LAMC1: variants seen among roughly 807,000 people sequenced by gnomAD.
LAMC1 encodes the protein laminin subunit gamma 1.
LAMC1 carries 38 observed loss-of-function variants against 173.6 expected under a neutral mutation model. That is an observed-to-expected ratio of 0.22 (90% CI 0.17 to 0.29). The LOEUF is 0.29. Among genes scored for constraint, LAMC1 ranks in the 10% least tolerant of loss-of-function variants. The pLI, the probability that LAMC1 is intolerant of heterozygous loss-of-function variation, is 1.00. For missense variants in LAMC1, 1,824 were observed against 2,051.8 expected, an observed-to-expected ratio of 0.89 and a Z score of 2.14; for synonymous variants, 746 against 749.1, an observed-to-expected ratio of 1.00 and a Z score of 0.07.
chr1:183,097,672 G>T (rs1191213445), intron 1 of LAMC1, among the ~76,000 whole-genome samples: 3 of 152,190 alleles, frequency 2.0e-5, no homozygotes, highest in Non-Finnish European at 4.4e-5. Flanking sequence ...CATGTAGGAG[G>T]CTTAAGCAGA....
At chr1:183,086,387 CAGA>C (rs1377747715) in intron 1 of LAMC1, among the ~76,000 whole-genome samples, 7 of 152,194 alleles carry the variant, frequency 4.6e-5, no homozygotes, top group Admixed American at 4.6e-4. Flanking sequence ...CAAAGGTATT[CAGA>C]CATTTACCTT....
At chr1:183,135,555 C>CTA (rs1656913955) in intron 24 of LAMC1, among the ~76,000 whole-genome samples, 1 of 151,856 alleles carries the variant, frequency 6.6e-6, no homozygotes, top group African/African-American at 2.4e-5. Flanking sequence ...GTCATAGGTT[C>CTA]TATAAATAGA....
chr1:183,126,317 C>G, intron 16 of LAMC1, 55 bp downstream of exon 16: 1 of 1,578,514 alleles, frequency 6.3e-7, no homozygotes, highest in South Asian at 1.2e-5. Flanking sequence ...CAGTTAGTGT[C>G]TTAAGGCCAG....
chr1:183,035,711 G>A (rs1040715833), intron 1 of LAMC1, among the ~76,000 whole-genome samples: 10 of 152,134 alleles, frequency 6.6e-5, no homozygotes, highest in Admixed American at 5.9e-4. Context: ...TTAGGCCCTG[G>A]AGACTGAGTC....
intron 26 of LAMC1, chr1:183,138,042 C>T: frequency 3.8e-6 from 2 of 531,518 alleles, no homozygotes; most frequent in South Asian, 8.2e-5. Context: ...CCCAAAGTTA[C>T]TCAGTTAAAA....
At chr1:183,028,221 A>G (rs1220676008) in intron 1 of LAMC1, among the ~76,000 whole-genome samples, 1 of 150,568 alleles carries the variant, frequency 6.6e-6, no homozygotes, top group Non-Finnish European at 1.5e-5. Context: ...TGACTATTTC[A>G]GTTCTAAATA....
chr1:183,088,946 A>G (rs955383671), intron 1 of LAMC1, among the ~76,000 whole-genome samples: 7 of 152,240 alleles, frequency 4.6e-5, no homozygotes, highest in African/African-American at 1.7e-4. Flanking sequence ...AGACTTATGG[A>G]TGCCTTGTGA....
chr1:183,088,399 A>G (rs1655487002), intron 1 of LAMC1, among the ~76,000 whole-genome samples: 1 of 152,232 alleles, frequency 6.6e-6, no homozygotes, highest in African/African-American at 2.4e-5. Flanking sequence ...CATAAAATCA[A>G]TTTAGTGAGC....
chr1:183,116,611 G>A lies in LAMC1; in HGVS notation c.1363G>A (p.Glu455Lys). ...CSCDPSGSID[E>K]CNIETGRCVC... ...TTGTGATCCCTCTGGCAGCATAGAT[G>A]AATGTAATATTGAAACAGGAAGATG... is the stretch of plus-strand genomic sequence containing the variant. The change falls in exon 7 of 28, where the codon GAA becomes AAA. Residue 455 changes from glutamate to lysine, a missense_variant. Coordinates refer to ENST00000258341, the MANE Select transcript of LAMC1 (RefSeq NM_002293.4). 1 of 1,613,028 alleles carries A rather than the reference G, an allele frequency of 6.2e-7. No homozygotes were observed. Among genetic ancestry groups the A allele is most frequent in the Non-Finnish European group, 8.5e-7 (1 of 1,179,044 alleles).
At chr1:183,066,425 T>TA (rs1400655228) in intron 1 of LAMC1, among the ~76,000 whole-genome samples, 5 of 152,160 alleles carry the variant, frequency 3.3e-5, no homozygotes, top group African/African-American at 9.7e-5. Flanking sequence ...GAACCAGAAA[T>TA]ACCATTTGAC....
intron 2 of LAMC1, 132 bp from the exon 3 acceptor site, chr1:183,108,144 A>G: frequency 1.4e-6 from 1 of 738,262 alleles, no homozygotes; most frequent in Non-Finnish European, 2.2e-6. Context: ...ATTGAGTATT[A>G]TAATAGATTT....
chr1:183,115,650 C>T lies in LAMC1; in HGVS notation c.1328+13C>T, dbSNP rs77322623. 602 of 1,555,784 alleles carry T rather than the reference C, an allele frequency of 3.9e-4. 9 individuals are homozygous for T. In the East Asian group the frequency reaches 0.012, roughly 31 times the overall value. On this transcript the variant is annotated intron_variant, in intron 6 of 27. Coordinates refer to ENST00000258341, the MANE Select transcript of LAMC1 (RefSeq NM_002293.4). ...AAGCAGGATGCAGGTAAAATATTTT[C>T]AAAGCCAGAAGAAGGGGGCAGAATC...
chr1:183,027,687 C>G (rs1653725086), intron 1 of LAMC1, among the ~76,000 whole-genome samples: 1 of 152,168 alleles, frequency 6.6e-6, no homozygotes, highest in Non-Finnish European at 1.5e-5. Context: ...TTAAATGAAG[C>G]TTTTAAATCT....
chr1:183,132,007 T>C (rs988682018), intron 20 of LAMC1, among the ~76,000 whole-genome samples: 1 of 152,208 alleles, frequency 6.6e-6, no homozygotes, highest in African/African-American at 2.4e-5. Context: ...TATGTACATA[T>C]AATAAAGTAG....
intron 1 of LAMC1, among the ~76,000 whole-genome samples, chr1:183,032,170 C>T (rs537278501): frequency 3.6e-4 from 55 of 152,210 alleles, no homozygotes; most frequent in African/African-American, 1.3e-3. Context: ...GGGGCCAGCC[C>T]GAAATACGTG....
Position 183,126,342 on chromosome 1 carries a change from G to A in LAMC1, c.2944+80G>A, listed in dbSNP as rs2296293. On this transcript the variant is annotated intron_variant, in intron 16 of 27. Coordinates refer to ENST00000258341, the MANE Select transcript of LAMC1 (RefSeq NM_002293.4). Reference sequence around the variant, plus strand: ...CTTAAGGCCAGAAAGGACTTTGACAGCCTCAGTCTAGCCACTTGACTCATA... The same window carrying A: ...CTTAAGGCCAGAAAGGACTTTGACAACCTCAGTCTAGCCACTTGACTCATA... 837,460 of 1,478,972 alleles carry A rather than the reference G, an allele frequency of 0.57. 240,794 individuals are homozygous for A. Among genetic ancestry groups the A allele is most frequent in the Admixed American group, 0.66 (34,979 of 53,054 alleles). The allele number at this position is 1,478,972 out of a possible 1,614,324, so 91.6% of individuals were successfully genotyped here.
chr1:183,058,381 A>G (rs1654653564), intron 1 of LAMC1, among the ~76,000 whole-genome samples: 1 of 152,144 alleles, frequency 6.6e-6, no homozygotes, highest in East Asian at 1.9e-4. Flanking sequence ...AGACCCATCT[A>G]TGGTTATTTC....
intron 1 of LAMC1, among the ~76,000 whole-genome samples, chr1:183,025,113 T>C (rs2102001849): frequency 6.6e-6 from 1 of 151,004 alleles, no homozygotes; most frequent in South Asian, 2.1e-4. Flanking sequence ...TTGGAAGGCT[T>C]GATTATTACC....
In LAMC1 at chr1:183,110,485, C is replaced by G; in HGVS notation, c.855-3C>G. On this transcript the variant is annotated splice_polypyrimidine_tract_variant and splice_region_variant and intron_variant, in intron 3 of 27. Transcript: ENST00000258341. ...TTTTTTGGAGTATCTCTTCTCTCCC[C>G]AGATGTAAATGTAATGGACACGCAA... The G allele has an allele frequency of 6.2e-7, 1 of 1,605,688 alleles. No homozygotes were observed. The highest frequency in any genetic ancestry group is 8.5e-7 in the Non-Finnish European group (1 of 1,174,336).
Sources: gnomAD v4.1 joint callset for allele counts (sites outside exome capture counted in the v4.1 genomes callset) on GRCh38, gnomAD v4.1.1 for gene constraint, MANE v1.5 for transcripts, NCBI Gene and HGNC (gene_info 2026-07-23, HGNC 2026-07-21) for gene names.